The following YTHDC2 variants were observed in gnomAD, a reference collection of about 807,000 sequenced individuals.
YTHDC2 encodes 3'-5' RNA helicase YTHDC2.
In YTHDC2, 45 loss-of-function variants were observed where a neutral mutation model predicts 174.9. The observed-to-expected ratio is 0.26, with a 90% CI of 0.20 to 0.33. The LOEUF is 0.33. YTHDC2 is among the 10% of genes least tolerant of loss of function. The pLI is 1.00. For synonymous variants in YTHDC2, 657 were observed against 574.5 expected (o/e 1.14, Z -2.05); for missense variants, 1,650 against 1,723.7 (o/e 0.96, Z 0.76).
rs769753296 is a variant in YTHDC2 at position 113,556,112 on chromosome 5, A to G, written c.2194A>G (p.Ser732Gly). 1.9e-6 allele frequency: 3 copies of G among 1,608,686 alleles called. No individual in the cohort carries two copies. In the South Asian group the frequency reaches 3.3e-5, roughly 18 times the overall value. ...MLKMVWISKASAIQRKGRAGR... is the reference protein window; with the variant it reads ...MLKMVWISKAGAIQRKGRAGR... ...AAAAATGGTATGGATTTCCAAAGCTAGTGCCATACAGCGGAAAGGCAGGTA... is the reference window on the plus strand; with the variant it reads ...AAAAATGGTATGGATTTCCAAAGCTGGTGCCATACAGCGGAAAGGCAGGTA... The change falls in exon 17 of 30, where the codon AGT (serine) becomes GGT (glycine). Residue 732 changes from serine (S) to glycine (G), a missense_variant. Transcript: ENST00000161863.
intron 17 of YTHDC2, among the ~76,000 whole-genome samples, chr5:113,557,708 C>T (rs1266882871): frequency 6.6e-6 from 1 of 152,066 alleles, no homozygotes; most frequent in Non-Finnish European, 1.5e-5. Context: ...GTGGGAGGAT[C>T]ATCTGATCCT....
chr5:113,515,302 C>T lies in YTHDC2; in HGVS notation c.218C>T (p.Thr73Ile), dbSNP rs1285043376. 2 of 1,612,244 alleles carry T rather than the reference C, an allele frequency of 1.2e-6. No homozygotes were observed. Among genetic ancestry groups the T allele is most frequent in the Non-Finnish European group, 1.7e-6 (2 of 1,179,652 alleles). ...GAATTTCCTTCTTCTTTGACCAGTA[C>T]TGAAAGAGCCTTTATTCATCGACTC... is the stretch of plus-strand genomic sequence containing the variant. ...EMEFPSSLTS[T>I]ERAFIHRLSQ... The change falls in exon 2 of 30, where the codon ACT becomes ATT. Residue 73 changes from threonine to isoleucine, a missense_variant. Thr to Ile is a moderately conservative substitution (Grantham distance 89, BLOSUM62 -1). Around this residue, in one of 5 missense-constraint regions of YTHDC2, gnomAD observed 304 missense variants for 341.4 expected, o/e 0.89. Coordinates refer to ENST00000161863, the MANE Select transcript of YTHDC2 (RefSeq NM_022828.5).
At chr5:113,556,251 A>G in intron 17 of YTHDC2, 117 bp downstream of exon 17, 1 of 503,116 alleles carries the variant, frequency 2.0e-6, no homozygotes, top group Non-Finnish European at 3.4e-6. Context: ...TCATGTTAAA[A>G]TTTTTATATT....
At chr5:113,533,580 A>T (rs753180593) in intron 5 of YTHDC2, among the ~76,000 whole-genome samples, 1 of 151,936 alleles carries the variant, frequency 6.6e-6, no homozygotes, top group Non-Finnish European at 1.5e-5. Flanking sequence ...TCCTAGTTTC[A>T]TGATCATAGT....
rs567826688 is a variant in YTHDC2, at chr5:113,555,003, T to G, written c.2133+981T>G. On this transcript the variant is annotated intron_variant, in intron 16 of 29. Coordinates refer to ENST00000161863, the MANE Select transcript of YTHDC2 (RefSeq NM_022828.5). ...AGGAATATTTTATAGAAAATAAAAT[T>G]TTATTATAAAAATTGGCCATATGCT... Among the ~76,000 whole-genome samples, 9 of 152,062 alleles carry G rather than the reference T, an allele frequency of 5.9e-5. No individual in the cohort carries two copies. The East Asian group carries it at 1.7e-3, about 29-fold the overall frequency.
Position 113,526,795 on chromosome 5 carries a change from T to C in YTHDC2, c.675+10T>C, listed in dbSNP as rs192586306. 10,689 of 1,262,076 alleles carry C rather than the reference T, an allele frequency of 8.5e-3. 60 individuals carry two copies. The highest frequency in any genetic ancestry group is 9.7e-3 in the Non-Finnish European group (9,524 of 983,944). 78.2% of individuals were successfully genotyped at this position (1,262,076 alleles called of 1,614,324 possible). On this transcript the variant is annotated intron_variant, in intron 4 of 29. Coordinates refer to ENST00000161863, the MANE Select transcript of YTHDC2 (RefSeq NM_022828.5). ...TGGAAAGACCACACAGGTTTGTTTCTTTTTTGTTGTTTATAGAAAAAAAAA... is the reference window on the plus strand; with the variant it reads ...TGGAAAGACCACACAGGTTTGTTTCCTTTTTGTTGTTTATAGAAAAAAAAA...
intron 8 of YTHDC2, 70 bp downstream of exon 8, chr5:113,539,251 A>G (rs1775287903): frequency 1.7e-6 from 1 of 596,764 alleles, no homozygotes; most frequent in South Asian, 3.1e-5. Context: ...CTCCATCCTT[A>G]CATTGTGGAG....
chr5:113,553,582 TC>T lies in YTHDC2; in HGVS notation c.1868-7del, dbSNP rs1192453636. 4 of 1,611,516 alleles carry T rather than the reference TC, an allele frequency of 2.5e-6. No individual in the cohort carries two copies. The highest frequency in any genetic ancestry group is 3.4e-6 in the Non-Finnish European group (4 of 1,178,756). On this transcript the variant is annotated splice_polypyrimidine_tract_variant and splice_region_variant and intron_variant, in intron 13 of 29. Transcript: ENST00000161863. ...AGATTTAATATTAAAAAGTCATTCT[TC>T]TCCAAGGTGCAGTACTAATTTTTCT...
chr5:113,542,611 AT>A (rs1195298358), intron 10 of YTHDC2, 108 bp downstream of exon 10: 27 of 976,290 alleles, frequency 2.8e-5, no homozygotes, highest in Non-Finnish European at 3.2e-5. Context: ...CAAAAATTTT[AT>A]TTTTTAAAAG....
At chr5:113,519,587 C>G (rs1773722129) in intron 2 of YTHDC2, among the ~76,000 whole-genome samples, 1 of 152,210 alleles carries the variant, frequency 6.6e-6, no homozygotes, top group South Asian at 2.1e-4. Context: ...CACTGCCTAA[C>G]AGGTACCAAA....
At chr5:113,588,541 G>A (rs1461228989) in intron 26 of YTHDC2, among the ~76,000 whole-genome samples, 2 of 151,916 alleles carry the variant, frequency 1.3e-5, no homozygotes, top group Non-Finnish European at 2.9e-5. Context: ...TAGAAGAGAT[G>A]TGTAGAATTG....
chr5:113,572,332 G>A (rs978208646), intron 23 of YTHDC2, among the ~76,000 whole-genome samples: 2 of 152,222 alleles, frequency 1.3e-5, no homozygotes, highest in African/African-American at 4.8e-5. Flanking sequence ...TGGTCTGATA[G>A]ACTGTTATGA....
Position 113,584,595 on chromosome 5 carries a change from G to A in YTHDC2, c.3825+116G>A, listed in dbSNP as rs370235743. 2.8e-5 allele frequency: 26 copies of A among 921,840 alleles called. No homozygotes were observed. In the East Asian group the frequency reaches 4.9e-4, roughly 17 times the overall value. 57.1% of individuals were successfully genotyped at this position (921,840 alleles called of 1,614,324 possible). ...TTTCTAATTGTGGCCTCTTCTAGAT[G>A]TAAGTTGAAGCTAGCAAACTTGATA... On this transcript the variant is annotated intron_variant, in intron 26 of 29. Coordinates refer to ENST00000161863, the MANE Select transcript of YTHDC2 (RefSeq NM_022828.5).
At chr5:113,584,567 A>G (rs1396670464) in intron 26 of YTHDC2, 88 bp downstream of exon 26, 10 of 1,193,168 alleles carry the variant, frequency 8.4e-6, no homozygotes, top group Admixed American at 2.3e-5. Context: ...CAATTAGAGT[A>G]CTTTTCTAAT....
rs190875275 is a variant in YTHDC2 at position 113,531,601 on chromosome 5, C to T, written c.676-1278C>T. ...TTCAGCCAAACACTTTATGCAACCC[C>T]CAGGCATTCCAAGAGGGTTTTTGTT... is the stretch of plus-strand genomic sequence containing the variant. On this transcript the variant is annotated intron_variant, in intron 4 of 29. Coordinates refer to ENST00000161863, the MANE Select transcript of YTHDC2 (RefSeq NM_022828.5). 4.7e-4 allele frequency among the ~76,000 whole-genome samples: 71 copies of T among 151,992 alleles called. 1 individual carries two copies. The highest frequency in any genetic ancestry group is 2.4e-4 in the Non-Finnish European group (16 of 67,954).
At chr5:113,558,921 C>CA (rs60017425) in intron 17 of YTHDC2, among the ~76,000 whole-genome samples, 38,983 of 120,958 alleles carry the variant, frequency 0.32, 7,155 homozygotes, top group African/African-American at 0.54. Context: ...GACTCCGTCT[C>CA]AAAAAAAAAA....
intron 8 of YTHDC2, among the ~76,000 whole-genome samples, chr5:113,539,927 G>A (rs1328683025): frequency 6.6e-6 from 1 of 152,018 alleles, no homozygotes; most frequent in African/African-American, 2.4e-5. Context: ...TTAGAGACAG[G>A]TTCTTGTTCT....
chr5:113,537,575 C>A (rs545271398), intron 7 of YTHDC2, among the ~76,000 whole-genome samples: 41 of 150,374 alleles, frequency 2.7e-4, no homozygotes, highest in African/African-American at 1.0e-3. Context: ...CGTCTTCCTT[C>A]CTTCCTTTCC....
rs1158380752 is a variant in YTHDC2 at position 113,567,576 on chromosome 5, CT to C, written c.3049-75del. On this transcript the variant is annotated intron_variant, in intron 22 of 29. Coordinates refer to ENST00000161863, the MANE Select transcript of YTHDC2 (RefSeq NM_022828.5). ...ATACATCATCTATTTCATTGAGAGACTTTACATTTTAAAAGTATTTCCAATA... is the reference window on the plus strand; with the variant it reads ...ATACATCATCTATTTCATTGAGAGACTTACATTTTAAAAGTATTTCCAATA... The C allele has an allele frequency of 2.4e-6, 3 of 1,250,310 alleles. No homozygotes were observed. The East Asian group carries it at 7.8e-5, about 33-fold the overall frequency. 77.5% of individuals were successfully genotyped at this position (1,250,310 alleles called of 1,614,324 possible).
Sources: allele counts gnomAD v4.1 joint callset (sites outside exome capture counted in the v4.1 genomes callset), GRCh38; gene constraint gnomAD v4.1.1; regional missense constraint gnomAD v4.1.1; transcripts MANE v1.5; gene names NCBI Gene and HGNC (gene_info 2026-07-23, HGNC 2026-07-21).